Variants in TBC1D22A observed in about 807,000 individuals in gnomAD.
TBC1D22A encodes the protein TBC1 domain family member 22A, also known as putative GTPase activator.
In TBC1D22A, 38 loss-of-function variants were observed where a neutral mutation model predicts 60.2. That is an observed-to-expected ratio of 0.63 (90% CI 0.49 to 0.83). TBC1D22A has a LOEUF of 0.83. Among genes scored for constraint, TBC1D22A ranks in the 40% least tolerant of loss-of-function variants. TBC1D22A has a pLI of 0.00. For synonymous variants in TBC1D22A, 302 were observed against 281.7 expected (o/e 1.07, Z -0.72); for missense variants, 628 against 701.0 (o/e 0.90, Z 1.18).
At chr22:46,901,243 C>T (rs1377371592) in intron 7 of TBC1D22A, among the ~76,000 whole-genome samples, 2 of 152,210 alleles carry the variant, frequency 1.3e-5, no homozygotes, top group Non-Finnish European at 2.9e-5. Flanking sequence ...GCCACGCTGC[C>T]AGACGTGGAA....
chr22:46,880,378 C>G lies in TBC1D22A; in HGVS notation c.708+1655C>G, dbSNP rs1057328303. On this transcript the variant is annotated intron_variant, in intron 5 of 12. Coordinates refer to ENST00000337137, the MANE Select transcript of TBC1D22A (RefSeq NM_014346.5). ...GAGTGACTTTGAATAAAATGGGAGG[C>G]AGGTTTGCCCTAAGCAGTTTCTAGC... 7.2e-5 allele frequency among the ~76,000 whole-genome samples: 11 copies of G among 152,180 alleles called. 1 individual carries two copies. The highest frequency in any genetic ancestry group is 2.9e-5 in the Non-Finnish European group (2 of 68,024).
At chr22:47,023,669 T>TGGA in intron 10 of TBC1D22A, among the ~76,000 whole-genome samples, 1 of 152,346 alleles carries the variant, frequency 6.6e-6, no homozygotes, top group Non-Finnish European at 1.5e-5. Flanking sequence ...GCATCAAGCC[T>TGGA]GGAGACAAGG....
chr22:47,018,003 AG>A (rs1199573124), intron 10 of TBC1D22A, among the ~76,000 whole-genome samples: 1 of 152,160 alleles, frequency 6.6e-6, no homozygotes, highest in African/African-American at 2.4e-5. Flanking sequence ...ATGGATATGG[AG>A]GTGGAGCAGA....
chr22:47,039,111 C>T (rs187518805), intron 11 of TBC1D22A, among the ~76,000 whole-genome samples: 86 of 152,242 alleles, frequency 5.6e-4, no homozygotes, highest in Middle Eastern at 3.4e-3. Flanking sequence ...GAAAATGGAT[C>T]GGCTTGCCCA....
chr22:46,872,616 A>C (rs181084558), intron 4 of TBC1D22A, among the ~76,000 whole-genome samples: 3 of 152,324 alleles, frequency 2.0e-5, no homozygotes, highest in Admixed American at 1.3e-4. Flanking sequence ...CTCAATTTGC[A>C]ATTGAATGCA....
intron 12 of TBC1D22A, among the ~76,000 whole-genome samples, chr22:47,142,848 T>TCATCCACC (rs1556316047): frequency 1.0e-5 from 1 of 96,446 alleles, no homozygotes; most frequent in Non-Finnish European, 2.1e-5. Context: ...ACCCATCCAT[T>TCATCCACC]CATCCACCCA....
chr22:46,986,830 C>T (rs1162914966), intron 9 of TBC1D22A, among the ~76,000 whole-genome samples: 2 of 152,188 alleles, frequency 1.3e-5, no homozygotes, highest in Non-Finnish European at 2.9e-5. Context: ...TGCTCTCGGG[C>T]TCTGTGGGTC....
chr22:47,105,245 A>T (rs569717401), intron 11 of TBC1D22A, among the ~76,000 whole-genome samples: 241 of 152,300 alleles, frequency 1.6e-3, no homozygotes, highest in Admixed American at 4.5e-3. Flanking sequence ...TTTAAAAAAA[A>T]AATAATAGGG....
chr22:46,994,731 A>G (rs565964559), intron 9 of TBC1D22A, among the ~76,000 whole-genome samples: 23 of 152,316 alleles, frequency 1.5e-4, no homozygotes, highest in Admixed American at 1.2e-3. Context: ...GTGCAGCTAT[A>G]TTGTTCAACC....
chr22:46,893,848 G>A (rs1445629813), intron 6 of TBC1D22A, among the ~76,000 whole-genome samples: 1 of 152,204 alleles, frequency 6.6e-6, no homozygotes, highest in African/African-American at 2.4e-5. Context: ...GTGTGCCTCA[G>A]CTTACTCCAT....
intron 1 of TBC1D22A, among the ~76,000 whole-genome samples, chr22:46,785,672 A>G (rs1413721919): frequency 1.3e-5 from 2 of 152,238 alleles, no homozygotes; most frequent in African/African-American, 4.8e-5. Context: ...TGTCTATTCT[A>G]GGGATTTCAA....
chr22:46,848,131 T>G (rs539807650), intron 4 of TBC1D22A, among the ~76,000 whole-genome samples: 25 of 152,368 alleles, frequency 1.6e-4, no homozygotes, highest in African/African-American at 5.8e-4. Flanking sequence ...GATAGGAAGT[T>G]TTTGCTCATT....
At chr22:47,160,513 G>A (rs77971254) in intron 12 of TBC1D22A, among the ~76,000 whole-genome samples, 23 of 152,306 alleles carry the variant, frequency 1.5e-4, no homozygotes, top group Middle Eastern at 3.4e-3. Flanking sequence ...TGCAGGCCAC[G>A]TGGACACCTG....
At position 46,942,026 on chromosome 22, in the gene TBC1D22A, TTA is replaced by T. The variant is rs75052846; in HGVS notation, c.1015+29851_1015+29852del. Reference sequence around the variant, plus strand: ...CAGCATACATATATATATATATATATTATATATATATATACACACAGTCCACC... The same window carrying T: ...CAGCATACATATATATATATATATATTATATATATATACACACAGTCCACC... On this transcript the variant is annotated intron_variant, in intron 8 of 12. Transcript: ENST00000337137. 2.6e-3 allele frequency among the ~76,000 whole-genome samples: 352 copies of T among 137,386 alleles called. 2 individuals carry two copies. The highest frequency in any genetic ancestry group is 9.0e-3 in the African/African-American group (331 of 36,920). 90.1% of individuals were successfully genotyped at this position (137,386 alleles called of 152,430 possible). A position where few individuals can be genotyped will look rare whatever the true frequency, so the allele number is the denominator to read the frequency against.
intron 7 of TBC1D22A, among the ~76,000 whole-genome samples, chr22:46,895,107 C>T (rs963387449): frequency 1.3e-5 from 2 of 152,156 alleles, no homozygotes; most frequent in African/African-American, 2.4e-5. Flanking sequence ...CATGTTCCAC[C>T]ACCAGATTGA....
intron 10 of TBC1D22A, among the ~76,000 whole-genome samples, chr22:47,003,492 G>A (rs1602935951): frequency 7.5e-6 from 1 of 133,854 alleles, no homozygotes; most frequent in Non-Finnish European, 1.6e-5. Flanking sequence ...ACGCACACAT[G>A]CCTGTACACA....
intron 8 of TBC1D22A, among the ~76,000 whole-genome samples, chr22:46,960,264 A>G (rs556053731): frequency 8.0e-5 from 12 of 149,092 alleles, no homozygotes; most frequent in African/African-American, 1.5e-4. Context: ...TGTTGGACTC[A>G]TCTTTTTTTT....
At chr22:46,957,977 G>A (rs1378464734) in intron 8 of TBC1D22A, among the ~76,000 whole-genome samples, 5 of 152,106 alleles carry the variant, frequency 3.3e-5, no homozygotes, top group African/African-American at 1.2e-4. Flanking sequence ...GGTGATGGCA[G>A]AACCCCCACA....
chr22:46,885,824 A>G (rs1380805285), intron 5 of TBC1D22A, among the ~76,000 whole-genome samples: 1 of 152,152 alleles, frequency 6.6e-6, no homozygotes, highest in African/African-American at 2.4e-5. Flanking sequence ...GGGTCATTAA[A>G]TAATCACCCG....
Sources: allele counts gnomAD v4.1 joint callset (sites outside exome capture counted in the v4.1 genomes callset), GRCh38; gene constraint gnomAD v4.1.1; transcripts MANE v1.5; gene names NCBI Gene and HGNC (gene_info 2026-07-23, HGNC 2026-07-21).